Variants in PMFBP1 observed in about 807,000 individuals in gnomAD.
The protein encoded by PMFBP1 is polyamine modulated factor 1 binding protein 1.
Under a neutral mutation model 137.8 loss-of-function variants are expected in PMFBP1, and 131 were observed. That is an observed-to-expected ratio of 0.95 (90% CI 0.82 to 1.10). PMFBP1 has a LOEUF of 1.10. PMFBP1 is among the 50% of genes least tolerant of loss of function. The pLI is 0.00. For synonymous variants in PMFBP1, 490 were observed against 450.4 expected (o/e 1.09, Z -1.11); for missense variants, 1,199 against 1,175.4 (o/e 1.02, Z -0.29).
the PMFBP1 span, among the ~76,000 whole-genome samples, chr16:72,245,807 T>C: frequency 2.0e-5 from 3 of 152,150 alleles, no homozygotes; most frequent in Non-Finnish European, 4.4e-5. Context: ...CTTCACTCTC[T>C]CTCTCCAACC....
chr16:72,126,337 C>G lies in PMFBP1; in HGVS notation c.2089-205G>C, dbSNP rs557659532. Reference sequence around the variant, plus strand: ...TCTTTTGCACCCCTCAGCCACATCTCTCTTTCTAGTTAGCATTTCCCTCAA... The same window carrying G: ...TCTTTTGCACCCCTCAGCCACATCTGTCTTTCTAGTTAGCATTTCCCTCAA... On this transcript the variant is annotated intron_variant, in intron 14 of 20. Coordinates refer to ENST00000237353, the MANE Select transcript of PMFBP1 (RefSeq NM_031293.3). 8.5e-5 allele frequency among the ~76,000 whole-genome samples: 13 copies of G among 152,360 alleles called. No homozygotes were observed. In the South Asian group the frequency reaches 2.1e-3, roughly 24 times the overall value.
intron 5 of PMFBP1, among the ~76,000 whole-genome samples, chr16:72,142,881 C>T (rs2042744350): frequency 6.6e-6 from 1 of 151,858 alleles, no homozygotes; most frequent in African/African-American, 2.4e-5. Flanking sequence ...AATCCAGACA[C>T]CAATATGCAA....
the PMFBP1 span, among the ~76,000 whole-genome samples, chr16:72,234,339 AG>A: frequency 6.6e-6 from 1 of 152,200 alleles, no homozygotes; most frequent in East Asian, 1.9e-4. Flanking sequence ...GCCTGCAGCA[AG>A]GAGGACAATG....
intron 9 of PMFBP1, among the ~76,000 whole-genome samples, chr16:72,133,212 T>C (rs1453735795): frequency 6.6e-6 from 1 of 151,932 alleles, no homozygotes; most frequent in African/African-American, 2.4e-5. Context: ...TGAGACAGAG[T>C]CTCTCTCTGT....
the PMFBP1 span, among the ~76,000 whole-genome samples, chr16:72,183,681 G>C: frequency 1.3e-5 from 2 of 152,114 alleles, no homozygotes; most frequent in South Asian, 4.2e-4. Context: ...ATGAATTGGG[G>C]TGGGGGCAAC....
At chr16:72,247,125 A>T in the PMFBP1 span, among the ~76,000 whole-genome samples, 2 of 152,242 alleles carry the variant, frequency 1.3e-5, no homozygotes, top group African/African-American at 4.8e-5. Flanking sequence ...GCCATTTGCT[A>T]GCAGTAATTT....
At chr16:72,163,995 C>T (rs2043103488) in intron 3 of PMFBP1, among the ~76,000 whole-genome samples, 1 of 151,056 alleles carries the variant, frequency 6.6e-6, no homozygotes, top group African/African-American at 2.4e-5. Flanking sequence ...ATGGGTGCAC[C>T]AAAATCTCAC....
chr16:72,195,759 A>T, the PMFBP1 span, among the ~76,000 whole-genome samples: 1 of 152,242 alleles, frequency 6.6e-6, no homozygotes, highest in Non-Finnish European at 1.5e-5. Context: ...AAACCTCAGC[A>T]GCACTAGGTG....
intron 3 of PMFBP1, among the ~76,000 whole-genome samples, chr16:72,159,655 A>T (rs774551117): frequency 1.3e-5 from 2 of 152,264 alleles, no homozygotes; most frequent in Non-Finnish European, 2.9e-5. Flanking sequence ...ATTTGAGACC[A>T]GTTAAATTTC....
Position 72,125,315 on chromosome 16 carries a change from C to A in PMFBP1, c.2344G>T (p.Ala782Ser). ...AGCTTTTTCATCCTTTCCTCATAAG[C>A]AATGATTTCCTCTTCCAGCTGAGCT... ...KKAQLEEEII[A>S]YEERMKKLNT... Residue 782 changes from alanine to serine, a missense_variant, in exon 16 of 21, where the codon GCT becomes TCT. Ala to Ser is a moderately conservative substitution (Grantham distance 99). Coordinates refer to ENST00000237353, the MANE Select transcript of PMFBP1 (RefSeq NM_031293.3). 1 of 1,614,190 alleles carries A rather than the reference C, an allele frequency of 6.2e-7. No homozygotes were observed. Among genetic ancestry groups the A allele is most frequent in the South Asian group, 1.1e-5 (1 of 91,084 alleles).
chr16:72,195,862 G>A, the PMFBP1 span, among the ~76,000 whole-genome samples: 1 of 152,192 alleles, frequency 6.6e-6, no homozygotes, highest in South Asian at 2.1e-4. Context: ...GCTGAGTAGG[G>A]CCTGCAGGTC....
At chr16:72,228,321 G>A in the PMFBP1 span, among the ~76,000 whole-genome samples, 10 of 152,122 alleles carry the variant, frequency 6.6e-5, no homozygotes, top group African/African-American at 2.4e-4. Context: ...CAAACTGCTC[G>A]TTCCTGAAAG....
At chr16:72,230,902 A>G in the PMFBP1 span, among the ~76,000 whole-genome samples, 1 of 152,178 alleles carries the variant, frequency 6.6e-6, no homozygotes, top group African/African-American at 2.4e-5. Context: ...TCTGGATGAA[A>G]AAGAGCTGTA....
At chr16:72,121,323 A>C (rs1370768951) in intron 19 of PMFBP1, among the ~76,000 whole-genome samples, 1 of 152,140 alleles carries the variant, frequency 6.6e-6, no homozygotes, top group African/African-American at 2.4e-5. Flanking sequence ...AGGGGGTCTC[A>C]GCAGTGCCCT....
At chr16:72,202,375 G>C in the PMFBP1 span, among the ~76,000 whole-genome samples, 1 of 152,088 alleles carries the variant, frequency 6.6e-6, no homozygotes, top group Non-Finnish European at 1.5e-5. Flanking sequence ...ATGGGATCTT[G>C]CTATGTTGCC....
the PMFBP1 span, among the ~76,000 whole-genome samples, chr16:72,232,893 G>A: frequency 6.6e-6 from 1 of 152,096 alleles, no homozygotes; most frequent in Non-Finnish European, 1.5e-5. Flanking sequence ...ATAGTCTGGT[G>A]TCAGAGGCAG....
chr16:72,242,424 A>T, the PMFBP1 span, among the ~76,000 whole-genome samples: 3 of 152,368 alleles, frequency 2.0e-5, no homozygotes, highest in Admixed American at 2.0e-4. Context: ...AGAGTAAAGG[A>T]AAGTATCTAA....
chr16:72,247,020 G>A, the PMFBP1 span, among the ~76,000 whole-genome samples: 3 of 152,122 alleles, frequency 2.0e-5, no homozygotes, highest in Non-Finnish European at 4.4e-5. Flanking sequence ...GGCAGGCGAC[G>A]ATGAAAGCAG....
chr16:72,187,510 G>A, the PMFBP1 span, among the ~76,000 whole-genome samples: 2 of 152,212 alleles, frequency 1.3e-5, no homozygotes, highest in African/African-American at 4.8e-5. Flanking sequence ...TGAGATGATG[G>A]TAGGGCTGAT....
Sources: gnomAD v4.1 joint callset for allele counts (sites outside exome capture counted in the v4.1 genomes callset) on GRCh38, gnomAD v4.1.1 for gene constraint, MANE v1.5 for transcripts, NCBI Gene and HGNC (gene_info 2026-07-23, HGNC 2026-07-21) for gene names.